Variants in BRD2 observed in about 807,000 individuals in gnomAD.
The protein encoded by BRD2 is bromodomain containing 2.
A neutral mutation model predicts 79.1 loss-of-function variants in BRD2; 15 were observed. The observed-to-expected ratio is 0.19, with a 90% CI of 0.13 to 0.29. The LOEUF (loss-of-function observed/expected upper bound fraction) is 0.29. Ranked by LOEUF, BRD2 falls within the 10% of genes least tolerant of loss-of-function variation. The pLI, the probability that BRD2 is intolerant of heterozygous loss-of-function variation, is 1.00. For synonymous variants in BRD2, 488 were observed against 358.6 expected (o/e 1.36, Z -4.08); for missense variants, 1,053 against 991.3 (o/e 1.06, Z -0.84).
At chr6:32,977,672 T>TTG in intron 8 of BRD2, 85 bp from the exon 9 acceptor site, 3 of 1,603,004 alleles carry the variant, frequency 1.9e-6, no homozygotes. Context: ...TTCTGTACAG[T>TTG]TGTAAATTGG....
At chr6:32,971,462 C>T (rs551589658) in intron 1 of BRD2, 133 bp from the exon 2 acceptor site, 69 of 403,518 alleles carry the variant, frequency 1.7e-4, no homozygotes, top group Non-Finnish European at 2.7e-4. Context: ...TATTATAAGA[C>T]TCTGGCAACA....
Position 32,971,916 on chromosome 6 carries a change from A to T in BRD2, c.-983A>T. Reference sequence around the variant, plus strand: ...ACCACAGCTCAGCCAATTGGCTTGGAGATGTGGCGGGTTGCCACTTCCCTG... The same window carrying T: ...ACCACAGCTCAGCCAATTGGCTTGGTGATGTGGCGGGTTGCCACTTCCCTG... On this transcript the variant is annotated 5_prime_UTR_variant, in exon 2 of 13. It introduces an in-frame stop codon into an upstream open reading frame of the 5' UTR. Coordinates refer to ENST00000374825, the MANE Select transcript of BRD2 (RefSeq NM_005104.4). 1.4e-6 allele frequency: 1 copy of T among 702,810 alleles called. No homozygotes were observed. Among genetic ancestry groups the T allele is most frequent in the Non-Finnish European group, 2.6e-6 (1 of 384,932 alleles). 43.5% of individuals were successfully genotyped at this position (702,810 alleles called of 1,614,324 possible). A position where few individuals can be genotyped will look rare whatever the true frequency, so the allele number is the denominator to read the frequency against.
chr6:32,975,670 G>A, intron 4 of BRD2, 149 bp downstream of exon 4: 1 of 957,494 alleles, frequency 1.0e-6, no homozygotes, highest in South Asian at 1.7e-5. Context: ...CCTGACTCTA[G>A]ATGGTACTAT....
intron 1 of BRD2, chr6:32,969,290 TAGG>T (rs1777737659): frequency 1.4e-6 from 1 of 712,804 alleles, no homozygotes; most frequent in Non-Finnish European, 2.6e-6. Flanking sequence ...GCAAAGGGGT[TAGG>T]GGGCGGTGTG....
chr6:32,969,169 T>A (rs1777722034), intron 1 of BRD2, 113 bp downstream of exon 1: 1 of 522,740 alleles, frequency 1.9e-6, no homozygotes, highest in African/African-American at 2.0e-5. Context: ...GTGGGAAGAT[T>A]TGTCCTTCAA....
chr6:32,970,014 G>GA (rs902741755), intron 1 of BRD2, among the ~76,000 whole-genome samples: 3 of 152,178 alleles, frequency 2.0e-5, no homozygotes, highest in Non-Finnish European at 2.9e-5. Flanking sequence ...GGGAAGGGAG[G>GA]ATAGAGGATC....
chr6:32,976,500 G>A (rs1561944381), intron 6 of BRD2, 36 bp downstream of exon 6: 2 of 1,601,976 alleles, frequency 1.2e-6, no homozygotes, highest in Non-Finnish European at 1.7e-6. Context: ...CAGCAGGGAG[G>A]CAAGGGTCTT....
At chr6:32,973,086 A>G (rs1461184579) in intron 2 of BRD2, 159 bp downstream of exon 2, 2 of 1,575,100 alleles carry the variant, frequency 1.3e-6, no homozygotes, top group African/African-American at 1.4e-5. Context: ...ACGGTTTTGG[A>G]ACGGTGGTGG....
chr6:32,974,638 C>G lies in BRD2; in HGVS notation c.206C>G (p.Pro69Arg). ...ANPPPPEVSN[P>R]KKPGRVTNQL... The stretch of plus-strand genomic sequence containing the variant: ...CCACCACCCCCGGAGGTGTCCAATC[C>G]CAAAAAGCCAGGACGAGTTACCAAC... The change falls in exon 3 of 13, where the codon CCC becomes CGC. Residue 69 changes from proline to arginine, a missense_variant. This residue lies in a region of BRD2 where 413 missense variants were observed against 335.1 expected (regional missense o/e 1.23). Transcript: ENST00000374825. 1 of 1,614,200 alleles carries G rather than the reference C, an allele frequency of 6.2e-7. No individual in the cohort carries two copies. Among genetic ancestry groups the G allele is most frequent in the Non-Finnish European group, 8.5e-7 (1 of 1,180,028 alleles).
intron 4 of BRD2, 71 bp downstream of exon 4, chr6:32,975,592 T>C: frequency 6.4e-7 from 1 of 1,569,796 alleles, no homozygotes; most frequent in South Asian, 1.1e-5. Flanking sequence ...GGATATGTTG[T>C]CTACATAAAG....
At position 32,976,109 on chromosome 6, in the gene BRD2, G is replaced by A. The variant is rs1778710266; in HGVS notation, c.550G>A (p.Glu184Lys). Residue 184 changes from glutamate (E) to lysine (K), a missense_variant, in exon 5 of 13, where the codon GAA becomes AAA. Glu to Lys is a moderately conservative substitution (Grantham distance 56). Transcript: ENST00000374825. ...LQKVASMPQE[E>K]QELVVTIPKN... ...GAAGGTTGCATCAATGCCACAAGAA[G>A]AACAAGAGCTGGTAGTGACCATCCC... 1.9e-6 allele frequency: 3 copies of A among 1,612,884 alleles called. No homozygotes were observed. Among genetic ancestry groups the A allele is most frequent in the Non-Finnish European group, 2.5e-6 (3 of 1,180,004 alleles).
In BRD2 at chr6:32,978,247, C is replaced by G; in HGVS notation, c.1700C>G (p.Ala567Gly). Residue 567 changes from alanine (A) to glycine (G), a missense_variant, in exon 10 of 13, where the codon GCT (alanine) becomes GGT (glycine). By Grantham distance (60) the Ala-to-Gly change is moderately conservative (BLOSUM62 0). Transcript: ENST00000374825. Reference sequence around the variant, plus strand: ...AAGGCAGAGAAGCATCGAGGCCGAGCTGGGGCCGATGAAGATGACAAGGGG... The same window carrying G: ...AAGGCAGAGAAGCATCGAGGCCGAGGTGGGGCCGATGAAGATGACAAGGGG... ...KRKAEKHRGR[A>G]GADEDDKGPR... 6.2e-7 allele frequency: 1 copy of G among 1,613,042 alleles called. No homozygotes were observed. The highest frequency in any genetic ancestry group is 1.1e-5 in the South Asian group (1 of 91,084).
At position 32,980,416 on chromosome 6, in the gene BRD2, C is replaced by G. The variant is rs1164595423; in HGVS notation, c.2221C>G (p.Gln741Glu). ...AAAGCGGGAATTAGAAAAGCGGTTA[C>G]AAGATGTCAGCGGACAGCTCAATTC... ...EKKRELEKRL[Q>E]DVSGQLNSTK... Residue 741 changes from glutamine (Q) to glutamate (E), a missense_variant, in exon 12 of 13, where the codon CAA (glutamine) becomes GAA (glutamate). This residue lies in a region of BRD2 where 139 missense variants were observed against 133.2 expected (regional missense o/e 1.04). Transcript: ENST00000374825. 6 of 1,613,076 alleles carry G rather than the reference C, an allele frequency of 3.7e-6. No individual in the cohort carries two copies. The highest frequency in any genetic ancestry group is 5.1e-6 in the Non-Finnish European group (6 of 1,180,028).
chr6:32,971,981 T>C lies in BRD2; in HGVS notation c.-918T>C, dbSNP rs1561922339. The C allele has an allele frequency of 1.4e-6, 1 of 702,614 alleles. No homozygotes were observed. The highest frequency in any genetic ancestry group is 2.6e-6 in the Non-Finnish European group (1 of 384,950). The allele number at this position is 702,614 out of a possible 1,614,324, so 43.5% of individuals were successfully genotyped here. A position where few individuals can be genotyped will look rare whatever the true frequency, so the allele number is the denominator to read the frequency against. On this transcript the variant is annotated 5_prime_UTR_variant, in exon 2 of 13. Coordinates refer to ENST00000374825, the MANE Select transcript of BRD2 (RefSeq NM_005104.4). ...ACTCTTCTGCCTGGTGACTGACACC[T>C]TGGAAATGAAGTTTATGACGTCATC...
chr6:32,978,437 T>TG, intron 10 of BRD2, 49 bp downstream of exon 10: 1 of 1,581,632 alleles, frequency 6.3e-7, no homozygotes, highest in Non-Finnish European at 8.6e-7. Flanking sequence ...TCTGTCTCTC[T>TG]GGGGGATGCC....
At chr6:32,975,216 T>A in intron 3 of BRD2, 168 bp from the exon 4 acceptor site, 2 of 1,249,202 alleles carry the variant, frequency 1.6e-6, no homozygotes, top group Non-Finnish European at 2.2e-6. Context: ...TTTTATTTAT[T>A]TATTTATTTT....
chr6:32,973,181 C>T (rs1208380680), intron 2 of BRD2: 5 of 1,534,316 alleles, frequency 3.3e-6, no homozygotes, highest in Admixed American at 4.0e-5. Context: ...TTAACCGAGT[C>T]AGGCAGAGCT....
In BRD2 at chr6:32,976,837, C is replaced by T. The variant is rs773433329; in HGVS notation, c.1101C>T (p.Ala367=). Residue 367 remains alanine, a synonymous_variant, in exon 7 of 13, where the codon GCC becomes GCT. Coordinates refer to ENST00000374825, the MANE Select transcript of BRD2 (RefSeq NM_005104.4). ...LKELLSKKHA[A]YAWPFYKPVD... ...AGTTACTCTCTAAGAAGCATGCTGCCTATGCTTGGCCTTTCTATAAACCAG... is the reference window on the plus strand; with the variant it reads ...AGTTACTCTCTAAGAAGCATGCTGCTTATGCTTGGCCTTTCTATAAACCAG... 14 of 1,613,060 alleles carry T rather than the reference C, an allele frequency of 8.7e-6. No homozygotes were observed. Among genetic ancestry groups the T allele is most frequent in the African/African-American group, 1.3e-5 (1 of 74,934 alleles).
At chr6:32,974,405 G>C (rs369881803) in intron 2 of BRD2, 57 bp from the exon 3 acceptor site, 1 of 1,543,038 alleles carries the variant, frequency 6.5e-7, no homozygotes, top group African/African-American at 1.4e-5. Flanking sequence ...CTATTGTGCA[G>C]ATGCACTTTT....
Sources: allele counts gnomAD v4.1 joint callset (sites outside exome capture counted in the v4.1 genomes callset), GRCh38; gene constraint gnomAD v4.1.1; regional missense constraint gnomAD v4.1.1; transcripts MANE v1.5; gene names NCBI Gene and HGNC (gene_info 2026-07-23, HGNC 2026-07-21).